The following TRABD2B variants were observed in gnomAD, a reference collection of about 807,000 sequenced individuals.
The protein encoded by TRABD2B is TraB domain containing 2B, also known as metalloprotease TIKI2.
Under a neutral mutation model 40.1 loss-of-function variants are expected in TRABD2B, and 14 were observed. That is an observed-to-expected ratio of 0.35 (90% confidence interval 0.23 to 0.55). The LOEUF (loss-of-function observed/expected upper bound fraction) is 0.55, where lower values mean the gene tolerates loss of function less well. Ranked by LOEUF, TRABD2B falls within the 20% of genes least tolerant of loss-of-function variation. The pLI is 0.90. For missense variants in TRABD2B, 541 were observed against 648.6 expected, an observed-to-expected ratio of 0.83 and a Z score of 1.80; for synonymous variants, 263 against 277.0, an observed-to-expected ratio of 0.95 and a Z score of 0.50.
At chr1:47,904,071 CT>C (rs1177727932) in intron 2 of TRABD2B, among the ~76,000 whole-genome samples, 1 of 152,198 alleles carries the variant, frequency 6.6e-6, no homozygotes, top group African/African-American at 2.4e-5. Flanking sequence ...CCAAACCTAA[CT>C]TGAGCACAAA....
At chr1:47,969,890 T>C (rs1360905154) in intron 2 of TRABD2B, among the ~76,000 whole-genome samples, 5 of 152,080 alleles carry the variant, frequency 3.3e-5, no homozygotes, top group Admixed American at 3.3e-4. Flanking sequence ...ATGCCCTCCC[T>C]CGAAGCTGCC....
At chr1:47,869,670 AAAG>A (rs775963363) in intron 2 of TRABD2B, among the ~76,000 whole-genome samples, 2 of 152,184 alleles carry the variant, frequency 1.3e-5, no homozygotes, top group Non-Finnish European at 2.9e-5. Flanking sequence ...GAAGGCAGGA[AAAG>A]AAGGCTTGAA....
intron 4 of TRABD2B, among the ~76,000 whole-genome samples, chr1:47,784,664 T>C (rs914687747): frequency 2.9e-4 from 44 of 152,340 alleles, no homozygotes; most frequent in Admixed American, 2.5e-3. Flanking sequence ...CGGTGTTTTT[T>C]TTCCTGAGGA....
chr1:47,969,779 C>T (rs757817225), intron 2 of TRABD2B, among the ~76,000 whole-genome samples: 2 of 152,194 alleles, frequency 1.3e-5, no homozygotes, highest in African/African-American at 2.4e-5. Flanking sequence ...AGAGCCAGCC[C>T]TGGGGTTCAG....
Position 47,794,608 on chromosome 1 carries a change from G to T in TRABD2B, c.966C>A (p.Ile322=). The change falls in exon 4 of 7, where the codon ATC becomes ATA. Residue 322 remains isoleucine (I), a synonymous_variant. Coordinates refer to ENST00000606738, the MANE Select transcript of TRABD2B (RefSeq NM_001194986.2). ...AACCTGCTCCGAAGGCAAAGAAGCAGATCTTGTCCTCGTTCTCCCGTAGAA... is the reference window on the plus strand; with the variant it reads ...AACCTGCTCCGAAGGCAAAGAAGCATATCTTGTCCTCGTTCTCCCGTAGAA... ...MALLRENEDK[I]CFFAFGAGHF... 1 of 1,533,890 alleles carries T rather than the reference G, an allele frequency of 6.5e-7. No individual in the cohort carries two copies. The highest frequency in any genetic ancestry group is 8.7e-7 in the Non-Finnish European group (1 of 1,145,138).
intron 2 of TRABD2B, among the ~76,000 whole-genome samples, chr1:47,884,838 A>G (rs1342012587): frequency 2.0e-5 from 3 of 151,608 alleles, no homozygotes; most frequent in East Asian, 3.9e-4. Context: ...CTGGTCTCGA[A>G]CTCCTGACCT....
intron 2 of TRABD2B, among the ~76,000 whole-genome samples, chr1:47,969,258 G>C (rs1202322738): frequency 6.6e-6 from 1 of 152,230 alleles, no homozygotes; most frequent in Non-Finnish European, 1.5e-5. Context: ...CCTTGGGTAG[G>C]AAATAAGTGC....
At chr1:47,943,151 G>T (rs1164704448) in intron 2 of TRABD2B, among the ~76,000 whole-genome samples, 1 of 152,130 alleles carries the variant, frequency 6.6e-6, no homozygotes, top group African/African-American at 2.4e-5. Context: ...TCCAGAACGG[G>T]GTTCTGAAGA....
chr1:47,934,389 T>C (rs577923764), intron 2 of TRABD2B, among the ~76,000 whole-genome samples: 3 of 152,326 alleles, frequency 2.0e-5, no homozygotes, highest in African/African-American at 7.2e-5. Flanking sequence ...AGCCCTGTCC[T>C]AGCTGGTAAG....
chr1:47,956,550 G>C (rs977104213), intron 2 of TRABD2B, among the ~76,000 whole-genome samples: 1 of 152,232 alleles, frequency 6.6e-6, no homozygotes, highest in African/African-American at 2.4e-5. Context: ...AGCACACCAG[G>C]AGATTATATC....
chr1:47,842,313 T>A (rs1306878006), intron 2 of TRABD2B, among the ~76,000 whole-genome samples: 1 of 152,176 alleles, frequency 6.6e-6, no homozygotes, highest in African/African-American at 2.4e-5. Context: ...CACCTCAGAG[T>A]TCGTTTGACC....
chr1:47,778,535 A>C lies in TRABD2B; in HGVS notation c.998T>G (p.Leu333Arg). The change falls in exon 5 of 7, where the codon CTG becomes CGG. Residue 333 changes from leucine to arginine, a missense_variant. Physicochemically the swap from Leu to Arg is moderately radical, Grantham distance 102 (BLOSUM62 -2). Transcript: ENST00000606738. ...CFFAFGAGHF[L>R]GNNTVIDILR... is the part of the protein sequence containing the mutation. ...GATGTCGATGACTGTGTTGTTCCCC[A>C]GAAAGTGACCTGGAACACAAGTGAC... 6.5e-7 allele frequency: 1 copy of C among 1,536,100 alleles called. No homozygotes were observed. Among genetic ancestry groups the C allele is most frequent in the Non-Finnish European group, 8.7e-7 (1 of 1,146,842 alleles).
At chr1:47,880,525 G>A (rs952277378) in intron 2 of TRABD2B, among the ~76,000 whole-genome samples, 3 of 152,166 alleles carry the variant, frequency 2.0e-5, no homozygotes, top group Non-Finnish European at 2.9e-5. Flanking sequence ...CATGGAACGC[G>A]GATACCAGGT....
At chr1:47,810,178 G>A (rs1557584913) in intron 2 of TRABD2B, among the ~76,000 whole-genome samples, 1 of 152,118 alleles carries the variant, frequency 6.6e-6, no homozygotes, top group Admixed American at 6.5e-5. Flanking sequence ...GCACGTGTGT[G>A]TGTTGGGAGT....
chr1:47,767,840 C>T (rs1051476740), intron 6 of TRABD2B, among the ~76,000 whole-genome samples: 12 of 152,336 alleles, frequency 7.9e-5, no homozygotes, highest in East Asian at 5.8e-4. Context: ...CGGGCTGGGC[C>T]GTGAGGTCCT....
intron 2 of TRABD2B, among the ~76,000 whole-genome samples, chr1:47,838,059 C>A (rs541934402): frequency 6.6e-6 from 1 of 152,272 alleles, no homozygotes; most frequent in African/African-American, 2.4e-5. Flanking sequence ...CCGGCACAGC[C>A]CTGCCTTTGT....
intron 2 of TRABD2B, among the ~76,000 whole-genome samples, chr1:47,832,601 C>T (rs1044891505): frequency 1.3e-5 from 2 of 152,126 alleles, no homozygotes; most frequent in Non-Finnish European, 2.9e-5. Context: ...TCTGCAGGTG[C>T]TGAAGGGCTG....
chr1:47,789,900 C>A (rs1487141371), intron 4 of TRABD2B, among the ~76,000 whole-genome samples: 1 of 151,488 alleles, frequency 6.6e-6, no homozygotes, highest in Non-Finnish European at 1.5e-5. Context: ...CTAGAATATT[C>A]TCTTCCTCAT....
At chr1:47,775,746 A>T (rs988954663) in intron 5 of TRABD2B, among the ~76,000 whole-genome samples, 11 of 152,218 alleles carry the variant, frequency 7.2e-5, no homozygotes, top group African/African-American at 2.7e-4. Context: ...GAGAGCTTAC[A>T]TTCCAAAGCA....
Sources: gnomAD v4.1 joint callset for allele counts (sites outside exome capture counted in the v4.1 genomes callset) on GRCh38, gnomAD v4.1.1 for gene constraint, MANE v1.5 for transcripts, NCBI Gene and HGNC (gene_info 2026-07-23, HGNC 2026-07-21) for gene names.